Variants in SBF2 observed in about 807,000 individuals in gnomAD.
The protein encoded by SBF2 is myotubularin-related protein 13.
In SBF2, 112 loss-of-function variants were observed where a neutral mutation model predicts 225.2. That is an observed-to-expected ratio of 0.50 (90% CI 0.43 to 0.58). The LOEUF is 0.58. Among genes scored for constraint, SBF2 ranks in the 20% least tolerant of loss-of-function variants. The pLI is 0.00. For synonymous variants in SBF2, 763 were observed against 773.3 expected (o/e 0.99, Z 0.22); for missense variants, 1,996 against 2,206.2 (o/e 0.90, Z 1.91).
chr11:10,190,545 T>C (rs1439929848), intron 2 of SBF2, among the ~76,000 whole-genome samples: 2 of 152,170 alleles, frequency 1.3e-5, no homozygotes, highest in African/African-American at 4.8e-5. Flanking sequence ...GAAAAAGAAA[T>C]TCAGCATCCT....
In SBF2 at chr11:9,992,452, C is replaced by G; in HGVS notation, c.1259G>C (p.Arg420Thr). The G allele has an allele frequency of 6.2e-7, 1 of 1,613,254 alleles. No homozygotes were observed. Residue 420 changes from arginine to threonine, a missense_variant, in exon 12 of 40, where the codon AGA (arginine) becomes ACA (threonine). Transcript: ENST00000256190. The stretch of plus-strand genomic sequence containing the variant: ...ATCACAAGATCTATAAGGAGGACCT[C>G]TTTCTGAAACAAAACCTGCAAATGC... ...GMAFAGFVSE[R>T]GPPYRSCDLF...
At chr11:10,290,717 GA>G (rs1164291976) in intron 1 of SBF2, among the ~76,000 whole-genome samples, 7 of 152,130 alleles carry the variant, frequency 4.6e-5, no homozygotes, top group Non-Finnish European at 1.0e-4. Flanking sequence ...ATAGATCCTG[GA>G]CTATTTGACT....
chr11:9,856,322 T>A, intron 19 of SBF2, 136 bp downstream of exon 19: 1 of 1,117,154 alleles, frequency 9.0e-7, no homozygotes, highest in Non-Finnish European at 1.4e-6. Context: ...GCTGAGCAAG[T>A]CCAAAGGTGA....
rs188203593 is a variant in SBF2 at position 9,795,949 on chromosome 11, G to A, written c.4452C>T (p.Asn1484=). ...TGAATTCAAACTCAGTTGGATACTG[G>A]TTGTGAACCTGAAACACACAAGGCA... ...QFLDCVHQVH[N]QYPTEFEFNL... The change falls in exon 33 of 40, where the codon AAC becomes AAT. Residue 1484 remains asparagine, a synonymous_variant. Coordinates refer to ENST00000256190, the MANE Select transcript of SBF2 (RefSeq NM_030962.4). 5.0e-6 allele frequency: 8 copies of A among 1,613,144 alleles called. No individual in the cohort carries two copies. In the East Asian group the frequency reaches 8.9e-5, roughly 18 times the overall value.
chr11:10,026,396 A>C (rs1949055862), intron 6 of SBF2, among the ~76,000 whole-genome samples: 1 of 152,132 alleles, frequency 6.6e-6, no homozygotes, highest in South Asian at 2.1e-4. Context: ...AATGGTTAGT[A>C]GGGACCACAG....
At chr11:9,865,167 T>C (rs921972442) in intron 17 of SBF2, among the ~76,000 whole-genome samples, 28 of 152,334 alleles carry the variant, frequency 1.8e-4, no homozygotes, top group African/African-American at 6.0e-4. Context: ...TTGTGTTTCA[T>C]TCTGCAACTT....
chr11:10,266,810 C>A (rs541837370), intron 1 of SBF2, among the ~76,000 whole-genome samples: 1 of 152,264 alleles, frequency 6.6e-6, no homozygotes, highest in Non-Finnish European at 1.5e-5. Flanking sequence ...GAAGAGGGTC[C>A]GGGCGTGGTT....
intron 17 of SBF2, among the ~76,000 whole-genome samples, chr11:9,866,458 C>T (rs753421831): frequency 6.6e-6 from 1 of 152,112 alleles, no homozygotes; most frequent in Non-Finnish European, 1.5e-5. Context: ...CACAAAGGTG[C>T]CAAGAACAGA....
rs193260380 is a variant in SBF2, at chr11:9,807,825, T to A, written c.4443+175A>T. 15 of 665,216 alleles carry A rather than the reference T, an allele frequency of 2.3e-5. No homozygotes were observed. In the Admixed American group the frequency reaches 3.7e-4, roughly 16 times the overall value. 41.2% of individuals were successfully genotyped at this position (665,216 alleles called of 1,614,324 possible). ...TGTCCTAGTTTCAGAAACCAACTAA[T>A]TTTTTTTCTTTTCCATTCCTAGGAG... is the stretch of plus-strand genomic sequence containing the variant. On this transcript the variant is annotated intron_variant, in intron 32 of 39. Transcript: ENST00000256190.
chr11:9,807,067 G>A (rs117979900), intron 32 of SBF2, among the ~76,000 whole-genome samples: 2,603 of 152,184 alleles, frequency 0.017, 41 homozygotes, highest in Non-Finnish European at 0.027. Flanking sequence ...CTTTCCAATC[G>A]ATATTTGAGG....
At chr11:10,147,962 A>C (rs1954966305) in intron 2 of SBF2, among the ~76,000 whole-genome samples, 1 of 152,220 alleles carries the variant, frequency 6.6e-6, no homozygotes, top group Non-Finnish European at 1.5e-5. Flanking sequence ...AATAACATTC[A>C]CTTCTGATAA....
chr11:10,026,008 A>C, intron 6 of SBF2, among the ~76,000 whole-genome samples: 1 of 151,764 alleles, frequency 6.6e-6, no homozygotes, highest in Non-Finnish European at 1.5e-5. Flanking sequence ...GGGTTTTAGA[A>C]ATTTATACTT....
intron 22 of SBF2, among the ~76,000 whole-genome samples, chr11:9,848,944 C>G (rs1856735091): frequency 6.6e-6 from 1 of 152,206 alleles, no homozygotes; most frequent in African/African-American, 2.4e-5. Flanking sequence ...AAAGAGAATA[C>G]ATTTTATATA....
At chr11:10,252,807 C>G (rs1285610258) in intron 1 of SBF2, among the ~76,000 whole-genome samples, 1 of 145,592 alleles carries the variant, frequency 6.9e-6, no homozygotes, top group South Asian at 2.2e-4. Context: ...GGCAAAAATG[C>G]GAGACTCTGT....
At chr11:10,137,178 A>C (rs901051906) in intron 2 of SBF2, among the ~76,000 whole-genome samples, 4 of 152,176 alleles carry the variant, frequency 2.6e-5, no homozygotes, top group African/African-American at 9.7e-5. Flanking sequence ...ATTACACTGT[A>C]TTTTAAAATT....
chr11:10,043,058 G>C, intron 2 of SBF2, 77 bp from the exon 3 acceptor site: 1 of 1,465,858 alleles, frequency 6.8e-7, no homozygotes, highest in Admixed American at 1.9e-5. Flanking sequence ...AATTTTAAAT[G>C]TTTGCCCATT....
chr11:10,031,207 G>A (rs1244570015), intron 3 of SBF2, 37 bp from the exon 4 acceptor site: 12 of 1,606,932 alleles, frequency 7.5e-6, no homozygotes, highest in Non-Finnish European at 1.0e-5. Flanking sequence ...AAACAGAAGG[G>A]ATTTCCTAGG....
chr11:9,873,154 C>T (rs1858918148), intron 17 of SBF2, among the ~76,000 whole-genome samples: 2 of 129,580 alleles, frequency 1.5e-5, no homozygotes, highest in South Asian at 4.7e-4. Context: ...TGCAGTGAGC[C>T]AAGACCGCAC....
In SBF2 at chr11:9,845,617, T is replaced by A. The variant is rs1856488818; in HGVS notation, c.3058A>T (p.Thr1020Ser). 6.2e-7 allele frequency: 1 copy of A among 1,613,868 alleles called. No homozygotes were observed. Among genetic ancestry groups the A allele is most frequent in the South Asian group, 1.1e-5 (1 of 91,086 alleles). ...FSTFAFAAGQ[T>S]TPQIILPKQK... ...TTTGGTAAAATTATTTGTGGGGTAG[T>A]TTGTCCAGCAGCAAAAGCAAAGGTA... The change falls in exon 24 of 40, where the codon ACT becomes TCT. Residue 1020 changes from threonine (T) to serine (S), a missense_variant. Transcript: ENST00000256190.
Sources: allele counts gnomAD v4.1 joint callset (sites outside exome capture counted in the v4.1 genomes callset), GRCh38; gene constraint gnomAD v4.1.1; transcripts MANE v1.5; gene names NCBI Gene and HGNC (gene_info 2026-07-23, HGNC 2026-07-21).